Variants in DCC observed in about 807,000 individuals in gnomAD.
DCC encodes DCC netrin 1 receptor.
A neutral mutation model predicts 172.5 loss-of-function variants in DCC; 58 were observed. That is an observed-to-expected ratio of 0.34 (90% CI 0.27 to 0.42). The LOEUF (loss-of-function observed/expected upper bound fraction) is 0.42. DCC is among the 10% of genes least tolerant of loss of function. The pLI is 1.00. For synonymous variants in DCC, 709 were observed against 644.5 expected (o/e 1.10, Z -1.52); for missense variants, 1,740 against 1,791.0 (o/e 0.97, Z 0.51).
intron 1 of DCC, among the ~76,000 whole-genome samples, chr18:52,738,155 AAT>A (rs1247113488): frequency 6.6e-6 from 1 of 152,164 alleles, no homozygotes; most frequent in Non-Finnish European, 1.5e-5. Flanking sequence ...ACTGTCTCAG[AAT>A]ATGACAGAAA....
chr18:53,433,290 T>C (rs1174395540), intron 21 of DCC, among the ~76,000 whole-genome samples: 1 of 152,190 alleles, frequency 6.6e-6, no homozygotes, highest in Admixed American at 6.5e-5. Context: ...GCTATATGTG[T>C]ATGTAATATA....
intron 26 of DCC, among the ~76,000 whole-genome samples, chr18:53,487,948 G>C (rs562855925): frequency 6.6e-6 from 1 of 152,260 alleles, no homozygotes; most frequent in Non-Finnish European, 1.5e-5. Flanking sequence ...ACTGGAAATG[G>C]AATTCCAATC....
chr18:52,431,765 GC>G (rs1286316891), intron 1 of DCC, among the ~76,000 whole-genome samples: 10 of 152,128 alleles, frequency 6.6e-5, no homozygotes, highest in Admixed American at 2.0e-4. Flanking sequence ...TTTTCACGAG[GC>G]ATAATCACCA....
chr18:53,252,516 T>A (rs534610878), intron 12 of DCC, among the ~76,000 whole-genome samples: 1 of 152,058 alleles, frequency 6.6e-6, no homozygotes, highest in African/African-American at 2.4e-5. Context: ...AAAAGGCAAT[T>A]TAAGAATTTC....
chr18:52,592,257 T>C (rs973255054), intron 1 of DCC, among the ~76,000 whole-genome samples: 1 of 152,210 alleles, frequency 6.6e-6, no homozygotes, highest in Non-Finnish European at 1.5e-5. Context: ...AACACTTCTC[T>C]AGGGCACTGC....
At chr18:53,311,919 G>A (rs774877940) in intron 13 of DCC, among the ~76,000 whole-genome samples, 4 of 152,046 alleles carry the variant, frequency 2.6e-5, no homozygotes, top group Admixed American at 1.3e-4. Context: ...GTTTCTCACC[G>A]TAGGCAATGC....
At chr18:52,594,787 C>G (rs532713137) in intron 1 of DCC, among the ~76,000 whole-genome samples, 1 of 152,082 alleles carries the variant, frequency 6.6e-6, no homozygotes, top group African/African-American at 2.4e-5. Flanking sequence ...AGATGCAACA[C>G]GCTTCACCAG....
intron 10 of DCC, among the ~76,000 whole-genome samples, chr18:53,206,917 C>CATTATATATAT (rs1568365482): frequency 9.2e-5 from 14 of 151,946 alleles, no homozygotes; most frequent in African/African-American, 3.4e-4. Flanking sequence ...AGCTCAAGCC[C>CATTATATATAT]AGTCCCAAAT....
At chr18:52,664,801 C>T (rs939413161) in intron 1 of DCC, among the ~76,000 whole-genome samples, 1 of 152,110 alleles carries the variant, frequency 6.6e-6, no homozygotes, top group Non-Finnish European at 1.5e-5. Context: ...ATGCAAAAAT[C>T]CTACTGATAC....
intron 7 of DCC, among the ~76,000 whole-genome samples, chr18:53,153,069 A>G (rs1419222795): frequency 1.3e-5 from 2 of 152,130 alleles, no homozygotes; most frequent in Admixed American, 6.5e-5. Context: ...GGAGATGCCA[A>G]TTGGTTTGTG....
chr18:52,375,643 A>C lies in DCC; in HGVS notation c.91+34765A>C, dbSNP rs1985316005. 3.9e-5 allele frequency among the ~76,000 whole-genome samples: 6 copies of C among 152,114 alleles called. 1 individual carries two copies. Among genetic ancestry groups the C allele is most frequent in the Admixed American group, 3.9e-4 (6 of 15,266 alleles). On this transcript the variant is annotated intron_variant, in intron 1 of 28. Transcript: ENST00000442544. ...CCTGATTTGGGATGTAACTTTGTGA[A>C]GTTTGTGCAGGGAAGTCTTGTCTCA...
intron 1 of DCC, among the ~76,000 whole-genome samples, chr18:52,555,473 AT>A (rs961741886): frequency 6.6e-6 from 1 of 152,192 alleles, no homozygotes; most frequent in African/African-American, 2.4e-5. Flanking sequence ...AGCAATGTAC[AT>A]TTTTTTCTTT....
intron 5 of DCC, among the ~76,000 whole-genome samples, chr18:53,017,406 T>C (rs1342275733): frequency 6.6e-6 from 1 of 152,208 alleles, no homozygotes; most frequent in Non-Finnish European, 1.5e-5. Flanking sequence ...CTTTTCAGTC[T>C]TTATTAAAGT....
intron 1 of DCC, among the ~76,000 whole-genome samples, chr18:52,472,890 G>A (rs1988987030): frequency 6.6e-6 from 1 of 152,118 alleles, no homozygotes; most frequent in Non-Finnish European, 1.5e-5. Flanking sequence ...CTGGGTGACA[G>A]AGCAAGACCC....
intron 15 of DCC, among the ~76,000 whole-genome samples, chr18:53,382,155 CT>C (rs937008903): frequency 2.0e-5 from 3 of 151,506 alleles, no homozygotes; most frequent in African/African-American, 7.3e-5. Flanking sequence ...CTTTTTCACT[CT>C]TTTGATAAAC....
At chr18:52,341,913 A>C (rs1454246108) in intron 1 of DCC, among the ~76,000 whole-genome samples, 2 of 152,096 alleles carry the variant, frequency 1.3e-5, no homozygotes, top group Non-Finnish European at 2.9e-5. Context: ...CCTTTTTCCA[A>C]ATCCAAAGGA....
At chr18:53,222,383 C>CTTTTTTTTT (rs67373546) in intron 12 of DCC, among the ~76,000 whole-genome samples, 50 of 104,204 alleles carry the variant, frequency 4.8e-4, no homozygotes, top group Non-Finnish European at 6.2e-4. Context: ...TTTCTTTTTT[C>CTTTTTTTTT]TTTTTTTTTT....
intron 1 of DCC, among the ~76,000 whole-genome samples, chr18:52,574,878 C>T (rs1343140397): frequency 6.6e-6 from 1 of 152,098 alleles, no homozygotes; most frequent in Admixed American, 6.6e-5. Flanking sequence ...TGTGAATAGG[C>T]TTCCATACAA....
intron 1 of DCC, among the ~76,000 whole-genome samples, chr18:52,702,761 T>C (rs532179055): frequency 5.3e-5 from 8 of 152,282 alleles, no homozygotes; most frequent in Middle Eastern, 3.4e-3. Flanking sequence ...TTCAAACCAA[T>C]TACCTACTTT....
Sources: gnomAD v4.1 joint callset for allele counts (sites outside exome capture counted in the v4.1 genomes callset) on GRCh38, gnomAD v4.1.1 for gene constraint, MANE v1.5 for transcripts, NCBI Gene and HGNC (gene_info 2026-07-23, HGNC 2026-07-21) for gene names.